Variants in MAGI2 observed in about 807,000 individuals in gnomAD.
The protein encoded by MAGI2 is membrane associated guanylate kinase, WW and PDZ domain containing 2, also known as membrane-associated guanylate kinase, WW and PDZ domain-containing protein 2.
A neutral mutation model predicts 133.3 loss-of-function variants in MAGI2; 35 were observed. The ratio of observed to expected loss-of-function variants is 0.26; its 90% CI spans 0.20 to 0.35. MAGI2 has a LOEUF of 0.35. Among genes scored for constraint, MAGI2 ranks in the 10% least tolerant of loss-of-function variants. MAGI2 has a pLI of 1.00. For missense variants in MAGI2, 1,636 were observed against 1,863.4 expected (o/e 0.88, Z 2.25); for synonymous variants, 729 against 710.6 (o/e 1.03, Z -0.41).
At chr7:78,889,390 T>A (rs1563628297) in intron 2 of MAGI2, among the ~76,000 whole-genome samples, 1 of 152,152 alleles carries the variant, frequency 6.6e-6, no homozygotes, top group African/African-American at 2.4e-5. Flanking sequence ...GCCACAAAGA[T>A]ACTCCTCGAG....
intron 1 of MAGI2, among the ~76,000 whole-genome samples, chr7:79,398,617 A>T (rs191549143): frequency 1.3e-5 from 2 of 152,308 alleles, no homozygotes; most frequent in African/African-American, 4.8e-5. Context: ...CTAAACCTAA[A>T]CCAATTACTT....
At position 78,345,873 on chromosome 7, in the gene MAGI2, TGACA is replaced by T. The variant is rs745328327; in HGVS notation, c.1225+45_1225+48del. On this transcript the variant is annotated intron_variant, in intron 8 of 21. Coordinates refer to ENST00000354212, the MANE Select transcript of MAGI2 (RefSeq NM_012301.4). ...GACATATTTGGAAGAGCAGGCAGTT[TGACA>T]GACAATTTTCCCTTTGAAACATCAC... 3.7e-6 allele frequency: 6 copies of T among 1,603,600 alleles called. No homozygotes were observed. The African/African-American group carries it at 5.4e-5, about 14-fold the overall frequency.
chr7:78,536,527 G>A (rs570603850), intron 3 of MAGI2, among the ~76,000 whole-genome samples: 5 of 152,270 alleles, frequency 3.3e-5, no homozygotes, highest in African/African-American at 1.2e-4. Context: ...TGATGGAATG[G>A]AGACAACGAT....
intron 3 of MAGI2, among the ~76,000 whole-genome samples, chr7:78,525,699 T>G (rs963664090): frequency 6.6e-6 from 1 of 152,224 alleles, no homozygotes; most frequent in Non-Finnish European, 1.5e-5. Flanking sequence ...CTTTGAATCC[T>G]GTGTCCCCTA....
intron 6 of MAGI2, among the ~76,000 whole-genome samples, chr7:78,463,067 T>G (rs1207668342): frequency 6.6e-6 from 1 of 152,232 alleles, no homozygotes; most frequent in Non-Finnish European, 1.5e-5. Context: ...AAATGTTATC[T>G]GGGGCCCACC....
intron 9 of MAGI2, among the ~76,000 whole-genome samples, chr7:78,288,184 G>T (rs1796340494): frequency 6.6e-6 from 1 of 152,006 alleles, no homozygotes; most frequent in Admixed American, 6.6e-5. Context: ...TCATTTCATG[G>T]GATGAATAAT....
intron 10 of MAGI2, among the ~76,000 whole-genome samples, chr7:78,240,595 T>G (rs1260565983): frequency 6.6e-6 from 1 of 152,148 alleles, no homozygotes; most frequent in Non-Finnish European, 1.5e-5. Context: ...GTTGATTTCA[T>G]AGAAGTAGAA....
At chr7:79,215,575 A>C (rs757493041) in intron 1 of MAGI2, among the ~76,000 whole-genome samples, 5 of 151,812 alleles carry the variant, frequency 3.3e-5, no homozygotes, top group Non-Finnish European at 7.4e-5. Flanking sequence ...TAATAATTGA[A>C]CTCTTTTGAC....
At chr7:78,943,020 C>A (rs1384763053) in intron 2 of MAGI2, among the ~76,000 whole-genome samples, 1 of 151,948 alleles carries the variant, frequency 6.6e-6, no homozygotes, top group Middle Eastern at 3.2e-3. Context: ...GGAAACTAGT[C>A]CTAATTTGCC....
At chr7:78,796,684 T>A (rs1426556423) in intron 2 of MAGI2, among the ~76,000 whole-genome samples, 1 of 152,168 alleles carries the variant, frequency 6.6e-6, no homozygotes, top group Non-Finnish European at 1.5e-5. Context: ...TGCACTCCCA[T>A]GTTTATTGCA....
chr7:78,765,276 A>C (rs1824897612), intron 2 of MAGI2, among the ~76,000 whole-genome samples: 1 of 150,560 alleles, frequency 6.6e-6, no homozygotes, highest in South Asian at 2.1e-4. Flanking sequence ...ATCTTTTCCC[A>C]CTATATTGCT....
At chr7:78,562,996 T>G (rs1800570421) in intron 3 of MAGI2, among the ~76,000 whole-genome samples, 1 of 142,286 alleles carries the variant, frequency 7.0e-6, no homozygotes, top group South Asian at 2.2e-4. Context: ...TCTTTTTTGT[T>G]GTTTTTTTTT....
At chr7:79,361,254 C>T (rs1388711964) in intron 1 of MAGI2, among the ~76,000 whole-genome samples, 1 of 152,048 alleles carries the variant, frequency 6.6e-6, no homozygotes, top group Non-Finnish European at 1.5e-5. Context: ...TAGGTAAGTT[C>T]ATAGCTACAG....
intron 5 of MAGI2, among the ~76,000 whole-genome samples, chr7:78,499,055 AAACAAC>A (rs147914906): frequency 0.033 from 5,026 of 150,458 alleles, 261 homozygotes; most frequent in African/African-American, 0.11. Flanking sequence ...CTACAAACTC[AAACAAC>A]AACAACAACA....
chr7:78,094,249 T>C (rs1415503942), intron 20 of MAGI2, among the ~76,000 whole-genome samples: 1 of 152,232 alleles, frequency 6.6e-6, no homozygotes, highest in Non-Finnish European at 1.5e-5. Flanking sequence ...CCTCTGTCCA[T>C]GTATTTTAAT....
intron 2 of MAGI2, among the ~76,000 whole-genome samples, chr7:78,680,173 C>T (rs1326126378): frequency 3.3e-5 from 5 of 152,034 alleles, no homozygotes; most frequent in Non-Finnish European, 7.4e-5. Context: ...AAAATAATGA[C>T]GTGCTTACAA....
At chr7:78,433,976 T>C (rs1311078198) in intron 6 of MAGI2, among the ~76,000 whole-genome samples, 1 of 152,190 alleles carries the variant, frequency 6.6e-6, no homozygotes, top group Non-Finnish European at 1.5e-5. Context: ...CCAAATACTA[T>C]GGTCAAGTGA....
rs1300774015 is a variant in MAGI2, at chr7:78,135,099, T to G, written c.2953A>C (p.Asn985His). ...TTCACGATGTCAGCGTGAGGCATGT[T>G]GATGATAGACTGGCCATTCACTGCT... ...ILAVNGQSII[N>H]MPHADIVKLI... Residue 985 changes from asparagine (N) to histidine (H), a missense_variant, in exon 17 of 22, where the codon AAC (asparagine) becomes CAC (histidine). Asn to His is a moderately conservative substitution (Grantham distance 68, BLOSUM62 1). Around this residue, in one of 5 missense-constraint regions of MAGI2, gnomAD observed 920 missense variants for 1,093.5 expected, o/e 0.84. Transcript: ENST00000354212. The G allele has an allele frequency of 6.2e-7, 1 of 1,614,126 alleles. No individual in the cohort carries two copies. Among genetic ancestry groups the G allele is most frequent in the Non-Finnish European group, 8.5e-7 (1 of 1,180,006 alleles).
intron 3 of MAGI2, among the ~76,000 whole-genome samples, chr7:78,564,125 G>A (rs1001541252): frequency 7.2e-5 from 11 of 152,092 alleles, no homozygotes; most frequent in Non-Finnish European, 1.3e-4. Flanking sequence ...GCTGTACCAC[G>A]CCAAGGTTAA....
Sources: allele counts gnomAD v4.1 joint callset (sites outside exome capture counted in the v4.1 genomes callset), GRCh38; gene constraint gnomAD v4.1.1; regional missense constraint gnomAD v4.1.1; transcripts MANE v1.5; gene names NCBI Gene and HGNC (gene_info 2026-07-23, HGNC 2026-07-21).